Variants in NRK observed in about 807,000 individuals in gnomAD.
NRK encodes Nik related kinase.
In NRK, 67 loss-of-function variants were observed where a neutral mutation model predicts 125.2. The observed-to-expected ratio is 0.54, with a 90% CI of 0.44 to 0.66. The LOEUF is 0.66. Among genes scored for constraint, NRK ranks in the 30% least tolerant of loss-of-function variants. NRK has a pLI of 0.00. For missense variants in NRK, 1,224 were observed against 1,192.9 expected, an observed-to-expected ratio of 1.03 and a Z score of -0.38; for synonymous variants, 458 against 429.0, an observed-to-expected ratio of 1.07 and a Z score of -0.84.
chrX:105,851,841 G>A (rs973595009), intron 2 of NRK, among the ~76,000 whole-genome samples: 42 of 111,094 alleles, frequency 3.8e-4, no homozygotes, highest in Non-Finnish European at 5.3e-4. Context: ...CTCTCTTACA[G>A]GATCAAGTCT....
intron 18 of NRK, among the ~76,000 whole-genome samples, chrX:105,923,729 A>G (rs2040483631): frequency 9.3e-6 from 1 of 107,665 alleles, no homozygotes; most frequent in Admixed American, 1.0e-4. Context: ...GGAATTGTCT[A>G]GATGCTTATG....
At chrX:105,877,661 T>C (rs745734595) in intron 2 of NRK, among the ~76,000 whole-genome samples, 2 of 111,379 alleles carry the variant, frequency 1.8e-5, no homozygotes, top group East Asian at 2.8e-4. Context: ...GCCAGACTTC[T>C]ATGGAGTCTT....
chrX:105,946,107 T>A lies in NRK; in HGVS notation c.4203+92T>A, dbSNP rs1415273911. ...TGACCTTTGAAGAGAAACTCAATAT[T>A]TTGAAGCTATTGAACATAATTATTT... On this transcript the variant is annotated intron_variant, in intron 25 of 28. Coordinates refer to ENST00000243300, the MANE Select transcript of NRK (RefSeq NM_198465.4). 7.7e-6 allele frequency: 7 copies of A among 907,674 alleles called. No individual in the cohort carries two copies. The African/African-American group carries it at 1.4e-4, about 18-fold the overall frequency. 74.8% of individuals were successfully genotyped at this position (907,674 alleles called of 1,213,427 possible).
chrX:105,887,735 T>A (rs1353168201), intron 4 of NRK, among the ~76,000 whole-genome samples: 1 of 112,047 alleles, frequency 8.9e-6, no homozygotes, highest in Admixed American at 9.5e-5. Flanking sequence ...ATATAAAATG[T>A]CCAGAACTGA....
At chrX:105,895,380 A>G (rs2040068946) in intron 6 of NRK, 53 bp from the exon 7 acceptor site, 1 of 926,221 alleles carries the variant, frequency 1.1e-6, no homozygotes. Context: ...AAAGAAAGAA[A>G]GAAAGAAAGA....
chrX:105,882,715 C>T lies in NRK; in HGVS notation c.252+936C>T, dbSNP rs1321181098. Among the ~76,000 whole-genome samples, 3 of 110,910 alleles carry T rather than the reference C, an allele frequency of 2.7e-5. No individual in the cohort carries two copies. In the East Asian group the frequency reaches 8.5e-4, roughly 31 times the overall value. On this transcript the variant is annotated intron_variant, in intron 4 of 28. Transcript: ENST00000243300. ...ATATTAGAAAGATATTACTAAACAA[C>T]CTCATGACTCATCTATTAAGTACTA...
rs939724416 is a variant in NRK, at chrX:105,948,637, C to T, written c.4354-938C>T. On this transcript the variant is annotated intron_variant, in intron 26 of 28. Coordinates refer to ENST00000243300, the MANE Select transcript of NRK (RefSeq NM_198465.4). Reference sequence around the variant, plus strand: ...TTATCTTTTTTTTCTGATTCAATTGCTCATGCAAGTGCCCAGGGAACGCAT... The same window carrying T: ...TTATCTTTTTTTTCTGATTCAATTGTTCATGCAAGTGCCCAGGGAACGCAT... The T allele has an allele frequency of 2.0e-5, 10 of 496,249 alleles. No individual in the cohort carries two copies. The African/African-American group carries it at 2.4e-4, about 12-fold the overall frequency. 40.9% of individuals were successfully genotyped at this position (496,249 alleles called of 1,213,427 possible).
chrX:105,948,809 A>G (rs982315886), intron 26 of NRK: 1 of 420,052 alleles, frequency 2.4e-6, no homozygotes, highest in African/African-American at 2.6e-5. Context: ...TAGTTTGAAG[A>G]AACCATAGAG....
At chrX:105,911,906 A>G (rs1011672634) in intron 13 of NRK, among the ~76,000 whole-genome samples, 5 of 111,864 alleles carry the variant, frequency 4.5e-5, no homozygotes, top group African/African-American at 1.3e-4. Flanking sequence ...TTAAAAGTCA[A>G]TAAATAATAG....
At chrX:105,849,675 TA>T (rs1011793490) in intron 2 of NRK, among the ~76,000 whole-genome samples, 1 of 111,734 alleles carries the variant, frequency 8.9e-6, no homozygotes, top group African/African-American at 3.3e-5. Flanking sequence ...ACACAGGGGT[TA>T]CAGGGCCCAT....
At position 105,905,248 on chromosome X, in the gene NRK, T is replaced by C. The variant is rs781286015; in HGVS notation, c.767-17T>C. On this transcript the variant is annotated splice_polypyrimidine_tract_variant and intron_variant, in intron 9 of 28. Transcript: ENST00000243300. Reference sequence around the variant, plus strand: ...ACCCTTCTCATTCTTTCTAAATTTATCTATTTCCCTTTGCAGCTCTGTGTA... The same window carrying C: ...ACCCTTCTCATTCTTTCTAAATTTACCTATTTCCCTTTGCAGCTCTGTGTA... 1.7e-6 allele frequency: 2 copies of C among 1,169,391 alleles called. No individual in the cohort carries two copies. Among genetic ancestry groups the C allele is most frequent in the East Asian group, 6.0e-5 (2 of 33,544 alleles).
intron 2 of NRK, among the ~76,000 whole-genome samples, chrX:105,845,851 G>A (rs1305916555): frequency 3.6e-5 from 4 of 111,510 alleles, no homozygotes; most frequent in African/African-American, 1.3e-4. Flanking sequence ...ATAGGAATGC[G>A]GCTTTGCTGG....
Position 105,955,791 on chromosome X carries a change from C to T in NRK, c.*191C>T. On this transcript the variant is annotated 3_prime_UTR_variant, in exon 29 of 29. Transcript: ENST00000243300. ...TATGTATAAAATTAACTATAGCAAG[C>T]TCTAGGTACTCCAATGGTGTACAAT... 1 of 364,791 alleles carries T rather than the reference C, an allele frequency of 2.7e-6. No homozygotes were observed. Among genetic ancestry groups the T allele is most frequent in the Non-Finnish European group, 4.8e-6 (1 of 206,774 alleles). 30.1% of individuals were successfully genotyped at this position (364,791 alleles called of 1,213,427 possible).
intron 2 of NRK, among the ~76,000 whole-genome samples, chrX:105,871,082 T>A (rs2039740675): frequency 9.0e-6 from 1 of 111,600 alleles, no homozygotes; most frequent in East Asian, 2.9e-4. Context: ...CTGCAAGTAT[T>A]TAGTGAAGAT....
In NRK at chrX:105,957,942, A is replaced by G. The variant is rs1028901224; in HGVS notation, c.*2342A>G. On this transcript the variant is annotated 3_prime_UTR_variant, in exon 29 of 29. Coordinates refer to ENST00000243300, the MANE Select transcript of NRK (RefSeq NM_198465.4). ...GAGACAGAAGAAATTATATCTATAC[A>G]TTACCTTGTAGCAGCAGTACCTGGA... 2.7e-5 allele frequency: 3 copies of G among 112,203 alleles called. No homozygotes were observed. In the Admixed American group the frequency reaches 2.8e-4, roughly 11 times the overall value. 9.2% of individuals were successfully genotyped at this position (112,203 alleles called of 1,213,427 possible). A position where few individuals can be genotyped will look rare whatever the true frequency, so the allele number is the denominator to read the frequency against.
Position 105,831,186 on chromosome X carries a change from A to G in NRK, c.123+67A>G, listed in dbSNP as rs1602589713. On this transcript the variant is annotated intron_variant, in intron 2 of 28. Transcript: ENST00000243300. ...TGACAACAAAGATTGTGAGTCAGACACTGCAAATCACATAATGCCAAAATA... is the reference window on the plus strand; with the variant it reads ...TGACAACAAAGATTGTGAGTCAGACGCTGCAAATCACATAATGCCAAAATA... The G allele has an allele frequency of 4.5e-6, 3 of 670,258 alleles. No homozygotes were observed. The East Asian group carries it at 9.9e-5, about 22-fold the overall frequency. The allele number at this position is 670,258 out of a possible 1,213,427, so 55.2% of individuals were successfully genotyped here.
rs776174427 is a variant in NRK, at chrX:105,827,442, ATTTGG to A, written c.58-3609_58-3605del. On this transcript the variant is annotated intron_variant, in intron 1 of 28. Transcript: ENST00000243300. ...CCTTTTTCTCCTTAGTCTCTGCCAT[ATTTGG>A]TTCTGTGGATCAGCTTCTGCTTTGA... Among the ~76,000 whole-genome samples, 171 of 111,168 alleles carry A rather than the reference ATTTGG, an allele frequency of 1.5e-3. 1 individual carries two copies. The highest frequency in any genetic ancestry group is 5.5e-3 in the African/African-American group (167 of 30,596).
At chrX:105,898,738 G>A in intron 8 of NRK, 24 bp downstream of exon 8, 2 of 1,098,968 alleles carry the variant, frequency 1.8e-6, no homozygotes, top group Non-Finnish European at 2.4e-6. Flanking sequence ...TTCAGCCAGT[G>A]GAAATTACAA....
intron 2 of NRK, among the ~76,000 whole-genome samples, chrX:105,838,474 A>G (rs894307443): frequency 4.5e-5 from 5 of 111,064 alleles, no homozygotes; most frequent in Non-Finnish European, 9.5e-5. Context: ...TTGGCCCTTC[A>G]TGAGGTCTTG....
Sources: allele counts gnomAD v4.1 joint callset (sites outside exome capture counted in the v4.1 genomes callset), GRCh38; gene constraint gnomAD v4.1.1; transcripts MANE v1.5; gene names NCBI Gene and HGNC (gene_info 2026-07-23, HGNC 2026-07-21).